ZDHHC20: variants seen among roughly 807,000 people sequenced by gnomAD.
ZDHHC20 encodes palmitoyltransferase ZDHHC20.
A neutral mutation model predicts 57.8 loss-of-function variants in ZDHHC20; 43 were observed. The ratio of observed to expected loss-of-function variants is 0.74; its 90% confidence interval spans 0.58 to 0.96. ZDHHC20 has a LOEUF of 0.96. Ranked by LOEUF, ZDHHC20 falls within the 40% of genes least tolerant of loss-of-function variation. The pLI is 0.00. For missense variants in ZDHHC20, 391 were observed against 441.1 expected (o/e 0.89, Z 1.02); for synonymous variants, 157 against 153.0 (o/e 1.03, Z -0.19).
At chr13:21,381,778 A>C in intron 10 of ZDHHC20, 1 of 572,046 alleles carries the variant, frequency 1.7e-6, no homozygotes, top group Middle Eastern at 3.5e-4. Flanking sequence ...AATGAAAACA[A>C]TTAGTCAAAA....
At chr13:21,401,421 A>T (rs887294974) in intron 6 of ZDHHC20, among the ~76,000 whole-genome samples, 5 of 152,344 alleles carry the variant, frequency 3.3e-5, no homozygotes, top group Admixed American at 3.3e-4. Flanking sequence ...TCCATAAGGA[A>T]TGTGGAATTT....
In ZDHHC20 at chr13:21,372,793, T is replaced by C. The variant is rs1001060175; in HGVS notation, c.*3903A>G. The C allele has an allele frequency of 1.3e-5, 2 of 152,210 alleles. No homozygotes were observed. The highest frequency in any genetic ancestry group is 2.9e-5 in the Non-Finnish European group (2 of 68,020). 9.4% of individuals were successfully genotyped at this position (152,210 alleles called of 1,614,324 possible). On this transcript the variant is annotated 3_prime_UTR_variant, in exon 13 of 13. Coordinates refer to ENST00000400590, the MANE Select transcript of ZDHHC20 (RefSeq NM_001330059.2). ...AACCAAACTAAACTGTACTTCAAAT[T>C]TGTTTATATAAAAGCATATTAAAGC...
At chr13:21,446,052 G>A (rs147800622) in intron 1 of ZDHHC20, among the ~76,000 whole-genome samples, 80 of 152,330 alleles carry the variant, frequency 5.3e-4, no homozygotes, top group Middle Eastern at 3.4e-3. Context: ...GAAGCAGAAT[G>A]AGCAAAGGAA....
intron 3 of ZDHHC20, among the ~76,000 whole-genome samples, chr13:21,416,301 G>A (rs1566091471): frequency 2.0e-5 from 3 of 151,740 alleles, no homozygotes; most frequent in Admixed American, 2.0e-4. Flanking sequence ...GATGAGGAAT[G>A]GAACAAAACA....
chr13:21,457,132 CTTT>C (rs1007557830), intron 1 of ZDHHC20, among the ~76,000 whole-genome samples: 7 of 152,194 alleles, frequency 4.6e-5, no homozygotes, highest in Admixed American at 3.9e-4. Flanking sequence ...ATTTCTCCTT[CTTT>C]ATTTGAAGTG....
chr13:21,404,693 G>A (rs1878199842), intron 4 of ZDHHC20, among the ~76,000 whole-genome samples: 2 of 151,534 alleles, frequency 1.3e-5, no homozygotes, highest in African/African-American at 2.4e-5. Context: ...GGCGGAGCTT[G>A]CAGTGAGCTG....
In ZDHHC20 at chr13:21,455,633, GGTGTGTGTGTGTGTGTGTGTGT is replaced by G. The variant is rs3070118; in HGVS notation, c.118+3399_118+3420del. Among the ~76,000 whole-genome samples, 6 of 148,186 alleles carry G rather than the reference GGTGTGTGTGTGTGTGTGTGTGT, an allele frequency of 4.0e-5. No homozygotes were observed. In the East Asian group the frequency reaches 8.1e-4, roughly 20 times the overall value. ...TCCTCAGTATTACTCCCAGTGAAGTGGTGTGTGTGTGTGTGTGTGTGTGTGTGTGTGTGTGTGTGTCTAATTA... is the reference window on the plus strand; with the variant it reads ...TCCTCAGTATTACTCCCAGTGAAGTGGTGTGTGTGTGTGTGTGTCTAATTA... On this transcript the variant is annotated intron_variant, in intron 1 of 12. Transcript: ENST00000400590.
intron 1 of ZDHHC20, among the ~76,000 whole-genome samples, chr13:21,434,218 A>T (rs1256557880): frequency 6.6e-6 from 1 of 152,210 alleles, no homozygotes; most frequent in Non-Finnish European, 1.5e-5. Flanking sequence ...TTTACTTAAC[A>T]TCTTCTATCT....
At chr13:21,435,397 T>G (rs1340726850) in intron 1 of ZDHHC20, among the ~76,000 whole-genome samples, 1 of 152,062 alleles carries the variant, frequency 6.6e-6, no homozygotes, top group African/African-American at 2.4e-5. Context: ...GCAGGAAAAG[T>G]ATCAAACAAT....
intron 7 of ZDHHC20, among the ~76,000 whole-genome samples, chr13:21,393,373 C>T (rs765158639): frequency 2.6e-5 from 4 of 151,160 alleles, no homozygotes; most frequent in Non-Finnish European, 5.9e-5. Flanking sequence ...TGGTGGTACA[C>T]GCCTGTAATC....
Position 21,387,564 on chromosome 13 carries a change from AT to A in ZDHHC20, c.797del (p.Asn266IlefsTer94). 1 of 1,530,704 alleles carries A rather than the reference AT, an allele frequency of 6.5e-7. No individual in the cohort carries two copies. The highest frequency in any genetic ancestry group is 2.1e-5 in the Admixed American group (1 of 48,652). 94.8% of individuals were successfully genotyped at this position (1,530,704 alleles called of 1,614,324 possible). On this transcript the variant is annotated frameshift_variant, in exon 9 of 13. Coordinates refer to ENST00000400590, the MANE Select transcript of ZDHHC20 (RefSeq NM_001330059.2). LOFTEE classifies it high-confidence loss of function. ...GNGFSLGCSK[N>X]WRQVFGDEKK... ...TTTCATCACCAAAGACTTGTCTCCA[AT>A]TTTTACTGCATCCAAGAGAGAAACC...
chr13:21,406,605 A>C (rs1228493915), intron 4 of ZDHHC20, among the ~76,000 whole-genome samples: 6 of 150,988 alleles, frequency 4.0e-5, no homozygotes, highest in Admixed American at 1.3e-4. Flanking sequence ...TCATTGTTCA[A>C]CTCCCACTTA....
intron 3 of ZDHHC20, 42 bp downstream of exon 3, chr13:21,421,018 TA>T: frequency 6.6e-7 from 1 of 1,515,852 alleles, no homozygotes; most frequent in Non-Finnish European, 9.1e-7. Flanking sequence ...AAAAATTCCA[TA>T]ATCAGTTAAA....
intron 11 of ZDHHC20, 64 bp downstream of exon 11, chr13:21,381,370 T>C (rs1039588449): frequency 1.7e-6 from 2 of 1,208,234 alleles, no homozygotes; most frequent in Non-Finnish European, 2.4e-6. Context: ...TTTTTCCACA[T>C]GTATTATATC....
At chr13:21,441,493 CTCT>C (rs894610216) in intron 1 of ZDHHC20, among the ~76,000 whole-genome samples, 5 of 144,616 alleles carry the variant, frequency 3.5e-5, no homozygotes, top group Non-Finnish European at 6.0e-5. Context: ...TCACGCCATT[CTCT>C]TGACTCAGCC....
chr13:21,453,211 CA>C (rs1393193762), intron 1 of ZDHHC20, among the ~76,000 whole-genome samples: 1 of 152,134 alleles, frequency 6.6e-6, no homozygotes, highest in Non-Finnish European at 1.5e-5. Flanking sequence ...ACAATATCAC[CA>C]GGGGTAATAA....
intron 3 of ZDHHC20, among the ~76,000 whole-genome samples, chr13:21,414,424 G>C (rs1879658678): frequency 6.6e-6 from 1 of 150,754 alleles, no homozygotes; most frequent in African/African-American, 2.4e-5. Flanking sequence ...GCAGTGGAGT[G>C]ATTTCGGCTC....
intron 1 of ZDHHC20, among the ~76,000 whole-genome samples, chr13:21,457,183 C>T (rs1884996522): frequency 6.6e-6 from 1 of 152,204 alleles, no homozygotes; most frequent in Non-Finnish European, 1.5e-5. Context: ...CTTTTCACAG[C>T]ACTGTTTGAT....
intron 1 of ZDHHC20, among the ~76,000 whole-genome samples, chr13:21,445,811 C>T (rs9316376): frequency 0.16 from 24,012 of 152,058 alleles, 2,575 homozygotes; most frequent in Non-Finnish European, 0.25. Context: ...TAATAATAGG[C>T]GCTATGAGGG....
Sources: gnomAD v4.1 joint callset for allele counts (sites outside exome capture counted in the v4.1 genomes callset) on GRCh38, gnomAD v4.1.1 for gene constraint, MANE v1.5 for transcripts, NCBI Gene and HGNC (gene_info 2026-07-23, HGNC 2026-07-21) for gene names.